Variants in ERBB4 observed in about 807,000 individuals in gnomAD.
ERBB4 encodes receptor tyrosine-protein kinase erbB-4.
A neutral mutation model predicts 158.0 loss-of-function variants in ERBB4; 42 were observed. That is an observed-to-expected ratio of 0.27 (90% CI 0.21 to 0.34). ERBB4 has a LOEUF of 0.34. ERBB4 is among the 10% of genes least tolerant of loss of function. The probability of loss-of-function intolerance (pLI) is 1.00; values close to 1 mark genes in which losing one functional copy is unlikely to be tolerated. For missense variants in ERBB4, 1,333 were observed against 1,624.1 expected (o/e 0.82, Z 3.08); for synonymous variants, 583 against 558.7 (o/e 1.04, Z -0.61).
At chr2:211,936,809 A>G (rs751636473) in intron 3 of ERBB4, among the ~76,000 whole-genome samples, 3 of 152,158 alleles carry the variant, frequency 2.0e-5, no homozygotes, top group Non-Finnish European at 2.9e-5. Context: ...AAAAACAATC[A>G]TTAAAATTTC....
intron 4 of ERBB4, among the ~76,000 whole-genome samples, chr2:211,785,398 G>A (rs2076137032): frequency 1.3e-5 from 2 of 152,196 alleles, no homozygotes; most frequent in Admixed American, 1.3e-4. Context: ...ACCGCCCCCA[G>A]CCGCACAGAC....
At chr2:212,390,141 G>T (rs1339230299) in intron 1 of ERBB4, among the ~76,000 whole-genome samples, 1 of 151,780 alleles carries the variant, frequency 6.6e-6, no homozygotes, top group Non-Finnish European at 1.5e-5. Context: ...TTATGTAACT[G>T]TAAATTAAAA....
intron 2 of ERBB4, among the ~76,000 whole-genome samples, chr2:212,018,860 T>C (rs2076583603): frequency 6.6e-6 from 1 of 152,154 alleles, no homozygotes; most frequent in Admixed American, 6.5e-5. Flanking sequence ...CTGGGGATAG[T>C]TAAATAAAAG....
chr2:211,878,778 C>G (rs972835624), intron 3 of ERBB4, among the ~76,000 whole-genome samples: 5 of 150,676 alleles, frequency 3.3e-5, no homozygotes, highest in Admixed American at 6.6e-5. Context: ...CTGCCTCAGC[C>G]TCCCGAGTAG....
At chr2:212,185,208 G>A (rs1453728362) in intron 1 of ERBB4, among the ~76,000 whole-genome samples, 1 of 151,692 alleles carries the variant, frequency 6.6e-6, no homozygotes, top group African/African-American at 2.4e-5. Flanking sequence ...TTTTAGTACA[G>A]ACAAGGTTTT....
chr2:211,628,438 C>T (rs933376019), intron 17 of ERBB4, among the ~76,000 whole-genome samples: 4 of 152,054 alleles, frequency 2.6e-5, no homozygotes, highest in African/African-American at 4.8e-5. Flanking sequence ...ATTGTCCTTG[C>T]GATAGTTTGC....
intron 1 of ERBB4, among the ~76,000 whole-genome samples, chr2:212,385,984 A>G (rs2106424426): frequency 6.6e-6 from 1 of 151,858 alleles, no homozygotes; most frequent in East Asian, 1.9e-4. Flanking sequence ...CATTTTCCAT[A>G]TTTGCCAAAA....
At chr2:212,234,129 C>T (rs1043265801) in intron 1 of ERBB4, among the ~76,000 whole-genome samples, 7 of 152,060 alleles carry the variant, frequency 4.6e-5, no homozygotes, top group African/African-American at 1.7e-4. Flanking sequence ...CCATCCCTCC[C>T]CTAGCCCCTC....
At chr2:212,014,410 A>T (rs1411278371) in intron 2 of ERBB4, among the ~76,000 whole-genome samples, 1 of 152,200 alleles carries the variant, frequency 6.6e-6, no homozygotes, top group Non-Finnish European at 1.5e-5. Context: ...AACTCTAAAC[A>T]GACACGGGCT....
At chr2:211,703,213 G>A (rs2073316111) in intron 11 of ERBB4, among the ~76,000 whole-genome samples, 1 of 152,004 alleles carries the variant, frequency 6.6e-6, no homozygotes, top group South Asian at 2.1e-4. Flanking sequence ...ACTATCTTGA[G>A]TTGTTGATTA....
At chr2:211,730,069 T>C (rs1038582121) in intron 5 of ERBB4, among the ~76,000 whole-genome samples, 4 of 152,094 alleles carry the variant, frequency 2.6e-5, no homozygotes, top group Non-Finnish European at 5.9e-5. Flanking sequence ...AAGCCAATAC[T>C]ACTGAGAGAA....
At chr2:211,917,100 G>A (rs1286573420) in intron 3 of ERBB4, among the ~76,000 whole-genome samples, 1 of 152,172 alleles carries the variant, frequency 6.6e-6, no homozygotes, top group Non-Finnish European at 1.5e-5. Flanking sequence ...AAGATCCTCT[G>A]CAAATATTCT....
At chr2:212,068,196 T>C (rs2078000776) in intron 2 of ERBB4, among the ~76,000 whole-genome samples, 1 of 152,050 alleles carries the variant, frequency 6.6e-6, no homozygotes, top group Non-Finnish European at 1.5e-5. Flanking sequence ...TAACATCAAA[T>C]GGTCTCTGTC....
intron 19 of ERBB4, among the ~76,000 whole-genome samples, chr2:211,586,411 T>C (rs2068279914): frequency 1.3e-5 from 2 of 152,206 alleles, no homozygotes; most frequent in African/African-American, 4.8e-5. Context: ...TATAACATCA[T>C]TCAAAATAAG....
intron 1 of ERBB4, among the ~76,000 whole-genome samples, chr2:212,173,489 G>C (rs1409755061): frequency 6.6e-6 from 1 of 152,056 alleles, no homozygotes; most frequent in African/African-American, 2.4e-5. Context: ...GGGAAATTGA[G>C]GTCTGTTATT....
intron 3 of ERBB4, among the ~76,000 whole-genome samples, chr2:211,911,511 C>A (rs2079540537): frequency 6.6e-6 from 1 of 152,002 alleles, no homozygotes; most frequent in Admixed American, 6.6e-5. Flanking sequence ...AGCAATCCTT[C>A]CACCTCTGCC....
In ERBB4 at chr2:211,387,009, C is replaced by T. The variant is rs2125319354; in HGVS notation, c.3325G>A (p.Gly1109Ser). ...GGTGCCACTGGCTTGCGTAGGGTGC[C>T]ATTACAGCAGGAGTCATCAAAAATC... ...AEIFDDSCCN[G>S]TLRKPVAPHV... The change falls in exon 27 of 28, where the codon GGC (glycine) becomes AGC (serine). Residue 1109 changes from glycine (G) to serine (S), a missense_variant. Transcript: ENST00000342788. 3 of 1,614,026 alleles carry T rather than the reference C, an allele frequency of 1.9e-6. No homozygotes were observed. The highest frequency in any genetic ancestry group is 2.5e-6 in the Non-Finnish European group (3 of 1,180,004).
At chr2:211,984,843 C>T (rs1443062613) in intron 2 of ERBB4, among the ~76,000 whole-genome samples, 3 of 152,086 alleles carry the variant, frequency 2.0e-5, no homozygotes, top group African/African-American at 4.8e-5. Flanking sequence ...CTGTCTCAGC[C>T]TCCCAAGTAG....
intron 20 of ERBB4, among the ~76,000 whole-genome samples, chr2:211,538,263 C>A (rs1242893238): frequency 1.3e-5 from 2 of 151,770 alleles, no homozygotes; most frequent in Admixed American, 6.6e-5. Flanking sequence ...TACTTAAATA[C>A]CTTCCAGTGG....
Sources: gnomAD v4.1 joint callset for allele counts (sites outside exome capture counted in the v4.1 genomes callset) on GRCh38, gnomAD v4.1.1 for gene constraint, MANE v1.5 for transcripts, NCBI Gene and HGNC (gene_info 2026-07-23, HGNC 2026-07-21) for gene names.